The following DTNA variants were observed in gnomAD, a reference collection of about 807,000 sequenced individuals.
The protein encoded by DTNA is dystrophin-related protein 3.
DTNA carries 43 observed loss-of-function variants against 100.7 expected under a neutral mutation model. The ratio of observed to expected loss-of-function variants is 0.43; its 90% confidence interval spans 0.33 to 0.55. The LOEUF is 0.55. Among genes scored for constraint, DTNA ranks in the 20% least tolerant of loss-of-function variants. The probability of loss-of-function intolerance (pLI) is 0.04; values close to 1 mark genes in which losing one functional copy is unlikely to be tolerated. For synonymous variants in DTNA, 349 were observed against 347.9 expected (o/e 1.00, Z -0.04); for missense variants, 798 against 953.9 (o/e 0.84, Z 2.15).
At chr18:34,677,746 T>C (rs1206478796) in intron 1 of DTNA, among the ~76,000 whole-genome samples, 1 of 152,152 alleles carries the variant, frequency 6.6e-6, no homozygotes, top group Non-Finnish European at 1.5e-5. Flanking sequence ...ACTGTTGTAA[T>C]AATACATTTA....
At chr18:34,562,137 T>C (rs911962563) in intron 1 of DTNA, among the ~76,000 whole-genome samples, 1 of 152,234 alleles carries the variant, frequency 6.6e-6, no homozygotes, top group African/African-American at 2.4e-5. Flanking sequence ...AGGACATTTA[T>C]GTATTCCAAA....
At chr18:34,740,838 GTGTTAA>G (rs1291589644) in intron 1 of DTNA, among the ~76,000 whole-genome samples, 1 of 151,970 alleles carries the variant, frequency 6.6e-6, no homozygotes, top group East Asian at 1.9e-4. Context: ...GTCCACAGTA[GTGTTAA>G]TGCTTTTTGG....
At chr18:34,515,743 C>T (rs763866529) in intron 1 of DTNA, among the ~76,000 whole-genome samples, 1 of 152,078 alleles carries the variant, frequency 6.6e-6, no homozygotes, top group South Asian at 2.1e-4. Flanking sequence ...CCAAAACCAC[C>T]TTGGCGACCT....
At chr18:34,866,845 G>A (rs550398575) in intron 17 of DTNA, 61 of 1,023,352 alleles carry the variant, frequency 6.0e-5, no homozygotes, top group Non-Finnish European at 6.3e-5. Flanking sequence ...AGAGCCTTTC[G>A]GCTCCGGGAG....
chr18:34,539,334 A>G (rs775837115), intron 1 of DTNA, among the ~76,000 whole-genome samples: 2 of 152,050 alleles, frequency 1.3e-5, no homozygotes, highest in Non-Finnish European at 1.5e-5. Flanking sequence ...TAAAATTTGA[A>G]TTCTAAATTT....
chr18:34,849,626 C>A lies in DTNA; in HGVS notation c.1434+1243C>A, dbSNP rs1021403737. Among the ~76,000 whole-genome samples, 3 of 152,174 alleles carry A rather than the reference C, an allele frequency of 2.0e-5. No homozygotes were observed. In the East Asian group the frequency reaches 5.8e-4, roughly 29 times the overall value. On this transcript the variant is annotated intron_variant, in intron 14 of 22. Transcript: ENST00000444659. ...ATGGCAGCCTGCAGACCAAATTTGT[C>A]CCCCAGAAATGTTTTGTTGAGCCCC...
intron 1 of DTNA, among the ~76,000 whole-genome samples, chr18:34,601,999 G>T (rs185891968): frequency 2.6e-5 from 4 of 152,282 alleles, no homozygotes; most frequent in Admixed American, 2.6e-4. Flanking sequence ...CTAATCCTCA[G>T]CCCCCACTTT....
chr18:34,632,595 T>A (rs2058208209), intron 1 of DTNA, among the ~76,000 whole-genome samples: 1 of 152,218 alleles, frequency 6.6e-6, no homozygotes, highest in Admixed American at 6.5e-5. Context: ...TTCAGCCCTT[T>A]ACCGGTAAAT....
At chr18:34,694,595 T>C (rs909993528) in intron 1 of DTNA, among the ~76,000 whole-genome samples, 2 of 152,228 alleles carry the variant, frequency 1.3e-5, no homozygotes, top group African/African-American at 4.8e-5. Context: ...ACTGCACTTT[T>C]GTCTGTGTAT....
At chr18:34,661,792 G>A (rs1421280713) in intron 1 of DTNA, among the ~76,000 whole-genome samples, 2 of 152,044 alleles carry the variant, frequency 1.3e-5, no homozygotes, top group Admixed American at 1.3e-4. Flanking sequence ...GATCATGGAG[G>A]GAAATTAAGT....
chr18:34,812,368 A>T (rs1384667703), intron 6 of DTNA, among the ~76,000 whole-genome samples: 4 of 152,120 alleles, frequency 2.6e-5, no homozygotes, highest in Admixed American at 6.6e-5. Context: ...GTCTAATTTA[A>T]TCCCTACAAC....
chr18:34,853,780 A>C (rs1324117369), intron 15 of DTNA, among the ~76,000 whole-genome samples: 1 of 152,220 alleles, frequency 6.6e-6, no homozygotes, highest in African/African-American at 2.4e-5. Context: ...ATAAAAAAAA[A>C]TAGCCATACA....
At chr18:34,874,253 T>G (rs929950797) in intron 17 of DTNA, among the ~76,000 whole-genome samples, 1 of 152,184 alleles carries the variant, frequency 6.6e-6, no homozygotes, top group East Asian at 1.9e-4. Flanking sequence ...AGAAGAATTC[T>G]CACTCTAGCA....
At chr18:34,753,152 A>T (rs1287022800) in intron 1 of DTNA, among the ~76,000 whole-genome samples, 6 of 152,042 alleles carry the variant, frequency 3.9e-5, no homozygotes, top group Non-Finnish European at 8.8e-5. Context: ...GCACTGTGAA[A>T]AATTAAGATA....
chr18:34,684,715 A>G (rs1049912916), intron 1 of DTNA, among the ~76,000 whole-genome samples: 1 of 152,198 alleles, frequency 6.6e-6, no homozygotes, highest in Non-Finnish European at 1.5e-5. Context: ...TCCTTGAGGA[A>G]TCACCACACT....
At chr18:34,591,055 A>T (rs2146908777) in intron 1 of DTNA, among the ~76,000 whole-genome samples, 1 of 152,326 alleles carries the variant, frequency 6.6e-6, no homozygotes, top group Non-Finnish European at 1.5e-5. Context: ...ACAGTTCGAT[A>T]AGGAAAATTA....
intron 1 of DTNA, among the ~76,000 whole-genome samples, chr18:34,696,655 C>T (rs2080599669): frequency 6.6e-6 from 1 of 152,210 alleles, no homozygotes. Flanking sequence ...ACCTCATGCA[C>T]TGCCATTGCC....
At position 34,714,574 on chromosome 18, in the gene DTNA, T is replaced by C. The variant is rs1258852810; in HGVS notation, c.-2+4129T>C. Among the ~76,000 whole-genome samples, 4 of 149,176 alleles carry C rather than the reference T, an allele frequency of 2.7e-5. No homozygotes were observed. In the South Asian group the frequency reaches 8.8e-4, roughly 33 times the overall value. On this transcript the variant is annotated intron_variant, in intron 1 of 22. Transcript: ENST00000444659. The stretch of plus-strand genomic sequence containing the variant: ...AGTTAGAATGGCAATCATTAAAAAG[T>C]CAGGAAACAACAGGTGCTGGAGAGG...
chr18:34,728,934 T>A (rs1198085814), intron 1 of DTNA, among the ~76,000 whole-genome samples: 1 of 152,056 alleles, frequency 6.6e-6, no homozygotes, highest in Non-Finnish European at 1.5e-5. Flanking sequence ...CCCTGAATGG[T>A]CACCATGGCC....
Sources: gnomAD v4.1 joint callset for allele counts (sites outside exome capture counted in the v4.1 genomes callset) on GRCh38, gnomAD v4.1.1 for gene constraint, MANE v1.5 for transcripts, NCBI Gene and HGNC (gene_info 2026-07-23, HGNC 2026-07-21) for gene names.